Variants in PRELID2 observed in about 807,000 individuals in gnomAD.
PRELID2 encodes the protein PRELI domain-containing protein 2.
In PRELID2, 25 loss-of-function variants were observed where a neutral mutation model predicts 28.4. The ratio of observed to expected loss-of-function variants is 0.88; its 90% confidence interval spans 0.64 to 1.23. The LOEUF is 1.23. PRELID2 is among the 50% of genes most tolerant of loss of function. The probability of loss-of-function intolerance (pLI) is 0.00; values close to 1 mark genes in which losing one functional copy is unlikely to be tolerated. For synonymous variants in PRELID2, 76 were observed against 71.6 expected, an observed-to-expected ratio of 1.06 and a Z score of -0.31; for missense variants, 201 against 214.4, an observed-to-expected ratio of 0.94 and a Z score of 0.39.
At chr5:145,539,635 T>C (rs1220211939) in intron 1 of PRELID2, among the ~76,000 whole-genome samples, 1 of 151,850 alleles carries the variant, frequency 6.6e-6, no homozygotes, top group African/African-American at 2.4e-5. Flanking sequence ...ATTATAAAAA[T>C]TAAAGCAATA....
At chr5:145,260,991 A>G in the PRELID2 span, among the ~76,000 whole-genome samples, 11 of 152,116 alleles carry the variant, frequency 7.2e-5, no homozygotes, top group African/African-American at 1.7e-4. Context: ...TGGGAGTGAG[A>G]TGCCTTGTGG....
At chr5:145,467,750 G>A (rs371039887), downstream of PRELID2, among the ~76,000 whole-genome samples, 37 of 147,104 alleles carry the variant, frequency 2.5e-4, no homozygotes, top group East Asian at 4.9e-3. Flanking sequence ...TCATTCTACC[G>A]CCTGACTTTA....
the PRELID2 span, among the ~76,000 whole-genome samples, chr5:145,415,584 T>A: frequency 6.6e-6 from 1 of 150,826 alleles, no homozygotes; most frequent in African/African-American, 2.4e-5. Flanking sequence ...TCCAATTTCA[T>A]CCATGTCCCT....
intron 1 of PRELID2, among the ~76,000 whole-genome samples, chr5:145,531,582 A>C (rs1752655479): frequency 6.6e-6 from 1 of 152,184 alleles, no homozygotes; most frequent in Non-Finnish European, 1.5e-5. Context: ...AGAACAGGAA[A>C]GACAAGGAAT....
chr5:145,508,136 A>T (rs866492774), intron 1 of PRELID2, among the ~76,000 whole-genome samples: 1 of 152,198 alleles, frequency 6.6e-6, no homozygotes, highest in Non-Finnish European at 1.5e-5. Flanking sequence ...CGATAGTGCG[A>T]ATCTATAATC....
intron 1 of PRELID2, among the ~76,000 whole-genome samples, chr5:145,618,135 G>A (rs1448017353): frequency 6.6e-6 from 1 of 152,100 alleles, no homozygotes; most frequent in African/African-American, 2.4e-5. Flanking sequence ...TTTCTCTGGT[G>A]CCTTCCTGAT....
chr5:145,648,622 A>T (rs1754236640), intron 1 of PRELID2, among the ~76,000 whole-genome samples: 3 of 148,718 alleles, frequency 2.0e-5, no homozygotes, highest in African/African-American at 7.7e-5. Context: ...AGATGAGTTT[A>T]GGCGGTTTTT....
At chr5:145,335,359 A>G in the PRELID2 span, among the ~76,000 whole-genome samples, 8 of 151,802 alleles carry the variant, frequency 5.3e-5, no homozygotes, top group Non-Finnish European at 7.4e-5. Flanking sequence ...TTTTTTATGT[A>G]TTGTTTTTCC....
chr5:145,269,488 A>G, the PRELID2 span, among the ~76,000 whole-genome samples: 2 of 152,042 alleles, frequency 1.3e-5, no homozygotes, highest in African/African-American at 2.4e-5. Flanking sequence ...CAATTAATTC[A>G]AAATAAATCA....
intron 1 of PRELID2, among the ~76,000 whole-genome samples, chr5:145,481,623 C>CGAAAAAAAAAAAAAAAAA (rs1752160143): frequency 2.4e-5 from 1 of 41,862 alleles, no homozygotes; most frequent in Non-Finnish European, 3.8e-5. Context: ...GCAAGGAAAT[C>CGAAAAAAAAAAAAAAAAA]AAAAAAAAAA....
intron 1 of PRELID2, among the ~76,000 whole-genome samples, chr5:145,531,210 A>G (rs886546831): frequency 1.3e-5 from 2 of 152,076 alleles, no homozygotes; most frequent in Non-Finnish European, 2.9e-5. Flanking sequence ...GATCTTGTGT[A>G]TATTGAGGAA....
At chr5:145,230,130 T>A in the PRELID2 span, 2 of 531,856 alleles carry the variant, frequency 3.8e-6, no homozygotes, top group African/African-American at 3.8e-5. Context: ...GTTGTGATAA[T>A]TTGTAATTGT....
At chr5:145,662,212 G>A (rs183288173) in intron 1 of PRELID2, among the ~76,000 whole-genome samples, 6 of 152,106 alleles carry the variant, frequency 3.9e-5, no homozygotes, top group African/African-American at 1.2e-4. Flanking sequence ...TCAGCCATCC[G>A]TTCTTTGGCA....
the PRELID2 span, among the ~76,000 whole-genome samples, chr5:145,311,997 T>C: frequency 6.6e-6 from 1 of 152,082 alleles, no homozygotes; most frequent in African/African-American, 2.4e-5. Flanking sequence ...ATCAAGCTGG[T>C]TAATATACCC....
chr5:145,306,647 T>C, the PRELID2 span, among the ~76,000 whole-genome samples: 1 of 152,096 alleles, frequency 6.6e-6, no homozygotes, highest in Non-Finnish European at 1.5e-5. Context: ...TTCAATCTTT[T>C]ACAGTACTAT....
chr5:145,432,386 A>G, the PRELID2 span, among the ~76,000 whole-genome samples: 1 of 151,630 alleles, frequency 6.6e-6, no homozygotes, highest in Non-Finnish European at 1.5e-5. Context: ...AAGCAGCATA[A>G]AGCATAAATG....
chr5:145,279,607 ATAATTATTGCCAAGAACAGTAATTAG>A, the PRELID2 span, among the ~76,000 whole-genome samples: 2 of 152,218 alleles, frequency 1.3e-5, no homozygotes, highest in Non-Finnish European at 2.9e-5. Flanking sequence ...AATTAACATT[ATAATTATTGCCAAGAACAGTAATTAG>A]TTGCCAGGCC....
chr5:145,713,564 C>T lies in PRELID2; in HGVS notation n.70+51367G>A, dbSNP rs1311199405. Among the ~76,000 whole-genome samples, 3 of 133,028 alleles carry T rather than the reference C, an allele frequency of 2.3e-5. No individual in the cohort carries two copies. The South Asian group carries it at 7.0e-4, about 31-fold the overall frequency. The allele number at this position is 133,028 out of a possible 152,430, so 87.3% of individuals were successfully genotyped here. A position where few individuals can be genotyped will look rare whatever the true frequency, so the allele number is the denominator to read the frequency against. On this transcript the variant is annotated intron_variant and non_coding_transcript_variant, in intron 1 of 2. Coordinates refer to the PRELID2 transcript ENST00000510259. ...TATATATATATACTTTTTATATATA[C>T]TTTATATATATACACTAAAGTATAT... is the stretch of plus-strand genomic sequence containing the variant.
chr5:145,449,355 G>A, the PRELID2 span, among the ~76,000 whole-genome samples: 1 of 152,072 alleles, frequency 6.6e-6, no homozygotes, highest in African/African-American at 2.4e-5. Context: ...CTGGATAGGA[G>A]ATGGAATGGG....
Sources: gnomAD v4.1 joint callset for allele counts (sites outside exome capture counted in the v4.1 genomes callset) on GRCh38, gnomAD v4.1.1 for gene constraint, MANE v1.5 for transcripts, NCBI Gene and HGNC (gene_info 2026-07-23, HGNC 2026-07-21) for gene names.